Variants in ZNF236 observed in about 807,000 individuals in gnomAD.
ZNF236 encodes the protein zinc finger protein 236, also known as regulated by glucose.
ZNF236 carries 50 observed loss-of-function variants against 191.2 expected under a neutral mutation model. That is an observed-to-expected ratio of 0.26 (90% CI 0.21 to 0.33). The LOEUF (loss-of-function observed/expected upper bound fraction) is 0.33. Among genes scored for constraint, ZNF236 ranks in the 10% least tolerant of loss-of-function variants. The probability of loss-of-function intolerance (pLI) is 1.00; values close to 1 mark genes in which losing one functional copy is unlikely to be tolerated. For missense variants in ZNF236, 1,754 were observed against 2,374.5 expected (o/e 0.74, Z 5.43); for synonymous variants, 907 against 928.8 (o/e 0.98, Z 0.43).
rs58303568 is a variant in ZNF236, at chr18:76,835,610, T to C, written c.55+12948T>C. On this transcript the variant is annotated intron_variant, in intron 1 of 30. Coordinates refer to ENST00000320610, the MANE Select transcript of ZNF236 (RefSeq NM_001306089.2). ...GTTTGATGTTGGTACACCTGCACCA[T>C]GACTGCTTTGGTTAGTGTTCTATAG... Among the ~76,000 whole-genome samples, 8 of 152,290 alleles carry C rather than the reference T, an allele frequency of 5.3e-5. No individual in the cohort carries two copies. The South Asian group carries it at 1.7e-3, about 32-fold the overall frequency.
At position 76,958,770 on chromosome 18, in the gene ZNF236, C is replaced by G. The variant is rs561069537; in HGVS notation, c.5113-917C>G. 2.6e-3 allele frequency among the ~76,000 whole-genome samples: 390 copies of G among 152,266 alleles called. 2 individuals carry two copies. Among genetic ancestry groups the G allele is most frequent in the African/African-American group, 9.1e-3 (376 of 41,544 alleles). On this transcript the variant is annotated intron_variant, in intron 28 of 30. Coordinates refer to ENST00000320610, the MANE Select transcript of ZNF236 (RefSeq NM_001306089.2). ...GTCTGCAGTGCTGGGAAGGCTCCCC[C>G]ACTCACCTCCCGAGTTTGTTTTTCC...
At chr18:76,894,253 C>T (rs1033957036) in intron 9 of ZNF236, among the ~76,000 whole-genome samples, 5 of 152,172 alleles carry the variant, frequency 3.3e-5, no homozygotes, top group Non-Finnish European at 5.9e-5. Flanking sequence ...ACCATTTCAC[C>T]TTCCACTGTC....
chr18:76,854,095 G>A (rs1005905543), intron 3 of ZNF236, among the ~76,000 whole-genome samples: 2 of 151,918 alleles, frequency 1.3e-5, no homozygotes, highest in African/African-American at 4.8e-5. Context: ...ATATATATGT[G>A]AGATAACGCA....
chr18:76,832,690 C>G (rs775450006), intron 1 of ZNF236, among the ~76,000 whole-genome samples: 3 of 151,452 alleles, frequency 2.0e-5, no homozygotes, highest in African/African-American at 7.3e-5. Flanking sequence ...TTAATTTTTG[C>G]GATCATCTTG....
In ZNF236 at chr18:76,849,463, G is replaced by A. The variant is rs1378312024; in HGVS notation, c.56-63G>A. ...TTTTTAAACAATAACCAATAATTTGGTTTTATTTATGTGATGAGAATAACA... is the reference window on the plus strand; with the variant it reads ...TTTTTAAACAATAACCAATAATTTGATTTTATTTATGTGATGAGAATAACA... On this transcript the variant is annotated intron_variant, in intron 1 of 30. Transcript: ENST00000320610. The A allele has an allele frequency of 2.2e-6, 3 of 1,381,826 alleles. No homozygotes were observed. The African/African-American group carries it at 4.5e-5, about 21-fold the overall frequency. 85.6% of individuals were successfully genotyped at this position (1,381,826 alleles called of 1,614,324 possible).
intron 4 of ZNF236, among the ~76,000 whole-genome samples, chr18:76,870,128 T>C (rs963914518): frequency 6.6e-6 from 1 of 152,228 alleles, no homozygotes; most frequent in Non-Finnish European, 1.5e-5. Context: ...CTGAAGACTC[T>C]AATGTTTATT....
At chr18:76,823,223 G>A (rs1974916357) in intron 1 of ZNF236, among the ~76,000 whole-genome samples, 1 of 150,258 alleles carries the variant, frequency 6.7e-6, no homozygotes, top group Non-Finnish European at 1.5e-5. Flanking sequence ...AGGCGCCAGC[G>A]TTGTCCGGGA....
At chr18:76,892,157 T>C (rs1977258070) in intron 9 of ZNF236, among the ~76,000 whole-genome samples, 1 of 139,582 alleles carries the variant, frequency 7.2e-6, no homozygotes, top group African/African-American at 2.7e-5. Context: ...CTTTTTGAAA[T>C]TTTCTTCTGG....
intron 26 of ZNF236, among the ~76,000 whole-genome samples, chr18:76,938,041 G>A (rs1968045058): frequency 6.6e-6 from 1 of 152,168 alleles, no homozygotes; most frequent in Admixed American, 6.5e-5. Context: ...GATGTAAATT[G>A]TGATTTCTAT....
At chr18:76,940,378 A>T (rs926144531) in intron 26 of ZNF236, among the ~76,000 whole-genome samples, 8 of 152,164 alleles carry the variant, frequency 5.3e-5, no homozygotes, top group Admixed American at 5.2e-4. Context: ...GCGTTTGGCA[A>T]CACGGTGGGC....
At chr18:76,945,808 A>G (rs1401044806) in intron 26 of ZNF236, among the ~76,000 whole-genome samples, 1 of 152,236 alleles carries the variant, frequency 6.6e-6, no homozygotes, top group East Asian at 1.9e-4. Flanking sequence ...GAACTTTTCA[A>G]TTTAGATCAT....
At chr18:76,928,192 C>A in intron 25 of ZNF236, 86 bp downstream of exon 25, 3 of 1,100,536 alleles carry the variant, frequency 2.7e-6, no homozygotes, top group Non-Finnish European at 3.7e-6. Flanking sequence ...CAATACTCTG[C>A]TGTGCATAAA....
chr18:76,961,415 A>G (rs1968665030), intron 30 of ZNF236, among the ~76,000 whole-genome samples: 2 of 151,632 alleles, frequency 1.3e-5, no homozygotes, highest in African/African-American at 2.4e-5. Flanking sequence ...GTATTTATGT[A>G]TATAAATACC....
chr18:76,890,622 A>G (rs1977201228), intron 9 of ZNF236, among the ~76,000 whole-genome samples: 1 of 152,210 alleles, frequency 6.6e-6, no homozygotes, highest in African/African-American at 2.4e-5. Flanking sequence ...TTTTTTACTC[A>G]TCCAATGGGT....
intron 3 of ZNF236, among the ~76,000 whole-genome samples, chr18:76,857,507 C>G (rs905050935): frequency 1.3e-5 from 2 of 152,220 alleles, no homozygotes; most frequent in African/African-American, 2.4e-5. Context: ...GTTAACCACC[C>G]TCCTTCAGGT....
rs77820736 is a variant in ZNF236 at position 76,938,747 on chromosome 18, G to T, written c.4782+1404G>T. Among the ~76,000 whole-genome samples the T allele has an allele frequency of 2.5e-3, 383 of 152,254 alleles. 3 individuals carry two copies. The highest frequency in any genetic ancestry group is 8.9e-3 in the African/African-American group (369 of 41,564). On this transcript the variant is annotated intron_variant, in intron 26 of 30. Coordinates refer to ENST00000320610, the MANE Select transcript of ZNF236 (RefSeq NM_001306089.2). ...AGGCGCACCGCACGCCAGGGTTCCT[G>T]CTCACTGGACACAGGGGCTCCCCTT...
intron 26 of ZNF236, among the ~76,000 whole-genome samples, chr18:76,941,070 A>T (rs1366826051): frequency 1.3e-5 from 2 of 152,098 alleles, no homozygotes; most frequent in East Asian, 3.9e-4. Flanking sequence ...CCTACCTCAA[A>T]TCCGTGGAAA....
At chr18:76,895,351 T>C (rs2122705215) in intron 10 of ZNF236, 66 bp downstream of exon 10, 1 of 1,574,310 alleles carries the variant, frequency 6.4e-7, no homozygotes, top group Admixed American at 1.7e-5. Flanking sequence ...ACTGCGCACA[T>C]ATACCAAACA....
chr18:76,925,393 G>A lies in ZNF236; in HGVS notation c.3866G>A (p.Arg1289Gln), dbSNP rs773396607. The A allele has an allele frequency of 3.0e-5, 49 of 1,614,144 alleles. No individual in the cohort carries two copies. The Middle Eastern group carries it at 4.9e-4, about 16-fold the overall frequency. ...AAGAAGGCCAGAAAGCCTATGACTCGAAGCTCATCGGAAGGACTGCAGCCT... is the reference window on the plus strand; with the variant it reads ...AAGAAGGCCAGAAAGCCTATGACTCAAAGCTCATCGGAAGGACTGCAGCCT... ...DPKKARKPMT[R>Q]SSSEGLQPVN... Residue 1289 changes from arginine (R) to glutamine (Q), a missense_variant, in exon 22 of 31, where the codon CGA (arginine) becomes CAA (glutamine). Arg to Gln is a conservative substitution (Grantham distance 43). This residue lies in a region of ZNF236 where 606 missense variants were observed against 761.5 expected (regional missense o/e 0.80). Transcript: ENST00000320610. This position sits in a 1 kb window ranked among gnomAD's most constrained non-coding sequence, Gnocchi z 5.7.
Sources: gnomAD v4.1 joint callset for allele counts (sites outside exome capture counted in the v4.1 genomes callset) on GRCh38, gnomAD v4.1.1 for gene constraint, gnomAD v4.1.1 regional missense constraint, Gnocchi (gnomAD v3.1) non-coding constraint, MANE v1.5 for transcripts, NCBI Gene and HGNC (gene_info 2026-07-23, HGNC 2026-07-21) for gene names.